The following VAT1L variants were observed in gnomAD, a reference collection of about 807,000 sequenced individuals.
The protein encoded by VAT1L is vesicle amine transport 1 like.
Under a neutral mutation model 44.1 loss-of-function variants are expected in VAT1L, and 34 were observed. That is an observed-to-expected ratio of 0.77 (90% CI 0.59 to 1.03). The LOEUF is 1.03. Among genes scored for constraint, VAT1L ranks in the 50% least tolerant of loss-of-function variants. The pLI is 0.00. For synonymous variants in VAT1L, 253 were observed against 202.2 expected (o/e 1.25, Z -2.13); for missense variants, 615 against 538.8 (o/e 1.14, Z -1.40).
intron 7 of VAT1L, chr16:77,892,630 T>C (rs2017280116): frequency 2.9e-6 from 2 of 694,982 alleles, no homozygotes; most frequent in East Asian, 6.1e-5. Context: ...TCACACTCCA[T>C]AATGGCACTG....
intron 1 of VAT1L, among the ~76,000 whole-genome samples, chr16:77,810,163 A>G (rs1165395028): frequency 6.6e-6 from 1 of 152,212 alleles, no homozygotes; most frequent in Non-Finnish European, 1.5e-5. Context: ...TTTCTATTTA[A>G]CCATTTAATT....
Position 77,879,257 on chromosome 16 carries a change from T to A in VAT1L, c.882+33T>A. ...TCCAGGCACATCTGATGTACTGTGGTGGCATGTTGATTCACATGTTGAGAG... is the reference window on the plus strand; with the variant it reads ...TCCAGGCACATCTGATGTACTGTGGAGGCATGTTGATTCACATGTTGAGAG... On this transcript the variant is annotated intron_variant, in intron 6 of 8. Coordinates refer to ENST00000302536, the MANE Select transcript of VAT1L (RefSeq NM_020927.3). This position sits in a 1 kb window ranked among gnomAD's most constrained non-coding sequence, Gnocchi z 4.1. 6.2e-7 allele frequency: 1 copy of A among 1,605,894 alleles called. No individual in the cohort carries two copies. The highest frequency in any genetic ancestry group is 8.5e-7 in the Non-Finnish European group (1 of 1,172,844).
intron 3 of VAT1L, among the ~76,000 whole-genome samples, chr16:77,831,037 T>G (rs1307578611): frequency 2.6e-5 from 4 of 152,190 alleles, no homozygotes; most frequent in Admixed American, 6.5e-5. Flanking sequence ...ATTAGCAGTG[T>G]GAGAACAGAA....
chr16:77,917,268 A>T (rs560312352), intron 7 of VAT1L, among the ~76,000 whole-genome samples: 20 of 152,264 alleles, frequency 1.3e-4, no homozygotes, highest in Admixed American at 3.9e-4. Flanking sequence ...AAAAATTGGA[A>T]GCAACGAAAA....
At chr16:77,835,475 C>G (rs909977717) in intron 3 of VAT1L, among the ~76,000 whole-genome samples, 15 of 152,178 alleles carry the variant, frequency 9.9e-5, no homozygotes, top group African/African-American at 3.6e-4. Flanking sequence ...CCACTTCCTT[C>G]AAGGCCCCAA....
intron 7 of VAT1L, among the ~76,000 whole-genome samples, chr16:77,971,419 TG>T (rs2018276684): frequency 6.6e-6 from 1 of 152,184 alleles, no homozygotes; most frequent in Admixed American, 6.5e-5. Context: ...CCTTGAGTAA[TG>T]GGTCAATTTA....
At chr16:77,799,419 G>A (rs1416186759) in intron 1 of VAT1L, among the ~76,000 whole-genome samples, 1 of 151,838 alleles carries the variant, frequency 6.6e-6, no homozygotes. Flanking sequence ...GAGGAGCTGT[G>A]ATTGACCACA....
At chr16:77,932,114 T>TTG (rs1216422236) in intron 7 of VAT1L, among the ~76,000 whole-genome samples, 2 of 150,188 alleles carry the variant, frequency 1.3e-5, no homozygotes, top group Non-Finnish European at 3.0e-5. Context: ...TTTTTTTTTT[T>TTG]TTTTTTTGAG....
At position 77,831,594 on chromosome 16, in the gene VAT1L, C is replaced by T. The variant is rs140176341; in HGVS notation, c.579+6133C>T. Among the ~76,000 whole-genome samples the T allele has an allele frequency of 4.2e-3, 637 of 152,178 alleles. 3 individuals carry two copies. The highest frequency in any genetic ancestry group is 0.031 in the Middle Eastern group (9 of 292). ...AGGGAAAGTCTATAAAATACCTGAC[C>T]GGTACTCCTCAAACCTGTTACGGTA... is the stretch of plus-strand genomic sequence containing the variant. On this transcript the variant is annotated intron_variant, in intron 3 of 8. Transcript: ENST00000302536.
chr16:77,940,466 C>A (rs367909134), intron 7 of VAT1L, among the ~76,000 whole-genome samples: 1 of 151,532 alleles, frequency 6.6e-6, no homozygotes, highest in African/African-American at 2.4e-5. Context: ...GCCTCAGCCT[C>A]CTGAGTAGCT....
rs573991379 is a variant in VAT1L at position 77,952,454 on chromosome 16, C to A, written c.1078-19396C>A. Among the ~76,000 whole-genome samples, 16 of 152,078 alleles carry A rather than the reference C, an allele frequency of 1.1e-4. No homozygotes were observed. The East Asian group carries it at 2.7e-3, about 26-fold the overall frequency. On this transcript the variant is annotated intron_variant, in intron 7 of 8. Coordinates refer to ENST00000302536, the MANE Select transcript of VAT1L (RefSeq NM_020927.3). The stretch of plus-strand genomic sequence containing the variant: ...ATTGTGGGGCCCCTCCTCCCTGTGA[C>A]CCCCCACCACCACCCCTCGCCTGCA...
At chr16:77,902,734 G>GGA in intron 7 of VAT1L, among the ~76,000 whole-genome samples, 1 of 127,006 alleles carries the variant, frequency 7.9e-6, no homozygotes, top group Non-Finnish European at 1.7e-5. Flanking sequence ...TGGGGGGGTG[G>GGA]GGGGGGTGTG....
At chr16:77,798,734 G>T (rs1373261543) in intron 1 of VAT1L, among the ~76,000 whole-genome samples, 1 of 152,172 alleles carries the variant, frequency 6.6e-6, no homozygotes, top group African/African-American at 2.4e-5. Flanking sequence ...ATGCCACTGT[G>T]TCATGACATA....
At chr16:77,936,825 G>A (rs1321120262) in intron 7 of VAT1L, among the ~76,000 whole-genome samples, 1 of 152,166 alleles carries the variant, frequency 6.6e-6, no homozygotes, top group Non-Finnish European at 1.5e-5. Flanking sequence ...TCCCACTTGC[G>A]AGTGGTCAGG....
Position 77,879,161 on chromosome 16 carries a change from A to G in VAT1L, c.827-8A>G, listed in dbSNP as rs777089333. The G allele has an allele frequency of 1.2e-6, 2 of 1,613,872 alleles. No homozygotes were observed. The highest frequency in any genetic ancestry group is 1.1e-5 in the South Asian group (1 of 91,024). ...CAATTGCTTAATGTGGGAATCTTTC[A>G]TTTTCAGGCTCATCCAACATGGTAA... On this transcript the variant is annotated splice_polypyrimidine_tract_variant and splice_region_variant and intron_variant, in intron 5 of 8. Coordinates refer to ENST00000302536, the MANE Select transcript of VAT1L (RefSeq NM_020927.3). This position sits in a 1 kb window ranked among gnomAD's most constrained non-coding sequence, Gnocchi z 4.1.
At chr16:77,962,976 G>C (rs1185246364) in intron 7 of VAT1L, among the ~76,000 whole-genome samples, 1 of 152,084 alleles carries the variant, frequency 6.6e-6, no homozygotes, top group Non-Finnish European at 1.5e-5. Flanking sequence ...AACAATCTTA[G>C]GGTTCTGGGT....
At chr16:77,894,436 C>T (rs2017300035) in intron 7 of VAT1L, among the ~76,000 whole-genome samples, 1 of 152,136 alleles carries the variant, frequency 6.6e-6, no homozygotes, top group Non-Finnish European at 1.5e-5. Context: ...AGGCCAACAG[C>T]CAGCACAAGC....
intron 7 of VAT1L, among the ~76,000 whole-genome samples, chr16:77,936,814 A>G (rs1013740956): frequency 2.6e-5 from 4 of 152,100 alleles, no homozygotes; most frequent in Non-Finnish European, 4.4e-5. Flanking sequence ...AGGGAGCAAA[A>G]TCCCACTTGC....
chr16:77,954,624 A>T lies in VAT1L; in HGVS notation c.1078-17226A>T, dbSNP rs1169153253. 3.9e-5 allele frequency among the ~76,000 whole-genome samples: 6 copies of T among 152,172 alleles called. No individual in the cohort carries two copies. In the East Asian group the frequency reaches 1.2e-3, roughly 29 times the overall value. ...TGGGCGACAGAGCGAGTCTGTCTCA[A>T]AAAAATAAATAATAAATAAATGGAA... On this transcript the variant is annotated intron_variant, in intron 7 of 8. Coordinates refer to ENST00000302536, the MANE Select transcript of VAT1L (RefSeq NM_020927.3).
Sources: gnomAD v4.1 joint callset for allele counts (sites outside exome capture counted in the v4.1 genomes callset) on GRCh38, gnomAD v4.1.1 for gene constraint, Gnocchi (gnomAD v3.1) non-coding constraint, MANE v1.5 for transcripts, NCBI Gene and HGNC (gene_info 2026-07-23, HGNC 2026-07-21) for gene names.